LBHD1: variants seen among roughly 807,000 people sequenced by gnomAD.
LBHD1 encodes LBH domain-containing protein 1.
A neutral mutation model predicts 31.1 loss-of-function variants in LBHD1; 28 were observed. The ratio of observed to expected loss-of-function variants is 0.90; its 90% CI spans 0.67 to 1.24. The LOEUF is 1.24. Ranked by LOEUF, LBHD1 falls within the 50% of genes most tolerant of loss-of-function variation. The pLI is 0.00. For missense variants in LBHD1, 350 were observed against 323.0 expected (o/e 1.08, Z -0.64); for synonymous variants, 105 against 116.5 (o/e 0.90, Z 0.63).
At chr11:62,667,829 AC>A in intron 3 of LBHD1, 82 bp from the exon 4 acceptor site, 1 of 982,744 alleles carries the variant, frequency 1.0e-6, no homozygotes, top group South Asian at 1.5e-5. Context: ...GCTGGCTCAT[AC>A]CTATAATCAC....
At chr11:62,664,705 G>T in intron 5 of LBHD1, 144 bp downstream of exon 5, 1 of 1,096,686 alleles carries the variant, frequency 9.1e-7, no homozygotes, top group South Asian at 1.6e-5. Context: ...GGCTATCAGA[G>T]CTTAGGAACT....
chr11:62,671,696 T>G lies in LBHD1; in HGVS notation c.-143A>C. The G allele has an allele frequency of 1.2e-6, 2 of 1,603,948 alleles. No homozygotes were observed. Among genetic ancestry groups the G allele is most frequent in the Non-Finnish European group, 1.7e-6 (2 of 1,175,068 alleles). ...GTAGTGAGACCGCGCGGCAACAGCT[T>G]GCGGCTGCGGGGAGCTCCCGTGGGC... On this transcript the variant is annotated 5_prime_UTR_variant, in exon 1 of 7. Transcript: ENST00000354588.
chr11:62,669,223 A>G (rs1384956579), intron 3 of LBHD1, among the ~76,000 whole-genome samples: 1 of 151,966 alleles, frequency 6.6e-6, no homozygotes, highest in Non-Finnish European at 1.5e-5. Context: ...GCCAGCCTTA[A>G]TCTGTACTTT....
At chr11:62,665,780 C>G (rs1351066765) in intron 4 of LBHD1, 2 of 1,540,600 alleles carry the variant, frequency 1.3e-6, no homozygotes. Flanking sequence ...TTTCGCTACG[C>G]GGAATTTGCA....
rs770221425 is a variant in LBHD1, at chr11:62,671,753, C to G, written c.-200G>C. 6.2e-7 allele frequency: 1 copy of G among 1,613,680 alleles called. No homozygotes were observed. The highest frequency in any genetic ancestry group is 8.5e-7 in the Non-Finnish European group (1 of 1,179,826). On this transcript the variant is annotated 5_prime_UTR_variant, in exon 1 of 7. Transcript: ENST00000354588. ...CTGGCTGTGCAGGCGGCCATGGATT[C>G]CTTGCGGAAAATGCTGATCTCAGTC...
At position 62,663,072 on chromosome 11, in the gene LBHD1, T is replaced by A; in HGVS notation, c.*57A>T. On this transcript the variant is annotated 3_prime_UTR_variant, in exon 7 of 7. Transcript: ENST00000354588. ...GGTTTAGCTCTCATCTTCAAGGTCC[T>A]TCATTTCTACATCCTGGGGGGCTTT... 6.2e-7 allele frequency: 1 copy of A among 1,605,152 alleles called. No homozygotes were observed. Among genetic ancestry groups the A allele is most frequent in the South Asian group, 1.1e-5 (1 of 90,838 alleles).
chr11:62,665,328 A>C lies in LBHD1; in HGVS notation c.539-355T>G. On this transcript the variant is annotated intron_variant, in intron 4 of 6. Transcript: ENST00000354588. ...GCGGGAGGCCTTTCGGAGGGTGGTGAGCTAGTAAGTGTGGTTTTAGCTGTA... is the reference window on the plus strand; with the variant it reads ...GCGGGAGGCCTTTCGGAGGGTGGTGCGCTAGTAAGTGTGGTTTTAGCTGTA... 4.1e-6 allele frequency: 3 copies of C among 738,816 alleles called. No homozygotes were observed. The South Asian group carries it at 4.9e-5, about 12-fold the overall frequency. The allele number at this position is 738,816 out of a possible 1,614,324, so 45.8% of individuals were successfully genotyped here.
rs78596563 is a variant in LBHD1, at chr11:62,664,778, G to T, written c.663+71C>A. The stretch of plus-strand genomic sequence containing the variant: ...ACAAGGTGAGCTGAGAGGTGAAGCT[G>T]CTCCGGAGCTCTGCAGGGAGGAAGG... On this transcript the variant is annotated intron_variant, in intron 5 of 6. Transcript: ENST00000354588. 11,386 of 1,527,910 alleles carry T rather than the reference G, an allele frequency of 7.5e-3. 60 individuals carry two copies. Among genetic ancestry groups the T allele is most frequent in the African/African-American group, 0.028 (2,025 of 72,476 alleles). 94.6% of individuals were successfully genotyped at this position (1,527,910 alleles called of 1,614,324 possible).
intron 4 of LBHD1, chr11:62,665,873 T>A: frequency 1.9e-6 from 3 of 1,612,766 alleles, no homozygotes; most frequent in South Asian, 1.1e-5. Context: ...CTTACCCGAA[T>A]CTCCAGATGG....
chr11:62,667,019 T>C, intron 4 of LBHD1: 2 of 1,607,788 alleles, frequency 1.2e-6, no homozygotes, highest in South Asian at 2.2e-5. Context: ...GGGCATCACC[T>C]ACTTTGCTTA....
intron 3 of LBHD1, among the ~76,000 whole-genome samples, chr11:62,668,823 AAAAC>A (rs1359962421): frequency 2.0e-4 from 30 of 152,042 alleles, no homozygotes; most frequent in Admixed American, 3.3e-4. Context: ...AACCAAAACC[AAAAC>A]AAACAAACAA....
In LBHD1 at chr11:62,663,347, G is replaced by A. The variant is rs764472493; in HGVS notation, c.664-14C>T. The A allele has an allele frequency of 1.9e-6, 3 of 1,611,880 alleles. No individual in the cohort carries two copies. Among genetic ancestry groups the A allele is most frequent in the African/African-American group, 1.3e-5 (1 of 74,892 alleles). On this transcript the variant is annotated splice_polypyrimidine_tract_variant and intron_variant, in intron 5 of 6. Coordinates refer to ENST00000354588, the MANE Select transcript of LBHD1 (RefSeq NM_024099.5). ...CGTGCACTGGACCTGATGGGTAAGT[G>A]GAAATAAAGAGAGCTAGGTTAACCT...
intron 4 of LBHD1, chr11:62,666,131 T>A: frequency 1.3e-6 from 1 of 796,162 alleles, no homozygotes; most frequent in Non-Finnish European, 2.0e-6. Context: ...GCAGATCGCT[T>A]GGCCCAGGAG....
At chr11:62,666,744 A>C in intron 4 of LBHD1, 1 of 1,614,112 alleles carries the variant, frequency 6.2e-7, no homozygotes, top group Middle Eastern at 1.6e-4. Flanking sequence ...TCAAGCCTCC[A>C]CTTCATGCAC....
chr11:62,663,415 G>T, intron 5 of LBHD1, 82 bp from the exon 6 acceptor site: 1 of 1,426,218 alleles, frequency 7.0e-7, no homozygotes, highest in Non-Finnish European at 9.6e-7. Flanking sequence ...TATAGAAAAA[G>T]TATTAAATAG....
chr11:62,666,196 C>A lies in LBHD1; in HGVS notation c.539-1223G>T, dbSNP rs764457225. ...GACCCTGTCTACAAAAAAAATTAACCGGGCACGATGGCGCCTATAGTCCTA... is the reference window on the plus strand; with the variant it reads ...GACCCTGTCTACAAAAAAAATTAACAGGGCACGATGGCGCCTATAGTCCTA... On this transcript the variant is annotated intron_variant, in intron 4 of 6. Transcript: ENST00000354588. 9 of 718,554 alleles carry A rather than the reference C, an allele frequency of 1.3e-5. No individual in the cohort carries two copies. The East Asian group carries it at 2.4e-4, about 19-fold the overall frequency. The allele number at this position is 718,554 out of a possible 1,614,324, so 44.5% of individuals were successfully genotyped here. A position where few individuals can be genotyped will look rare whatever the true frequency, so the allele number is the denominator to read the frequency against.
In LBHD1 at chr11:62,667,751, G is replaced by C; in HGVS notation, c.314-4C>G. On this transcript the variant is annotated splice_region_variant and splice_polypyrimidine_tract_variant and intron_variant, in intron 3 of 6. Coordinates refer to ENST00000354588, the MANE Select transcript of LBHD1 (RefSeq NM_024099.5). ...TCCTGTGGGCTCCAAGCCCAGCCTG[G>C]GATGGAGGAAGAGAGGGGACAAAAA... The C allele has an allele frequency of 6.3e-7, 1 of 1,590,878 alleles. No homozygotes were observed. Among genetic ancestry groups the C allele is most frequent in the Non-Finnish European group, 8.6e-7 (1 of 1,162,112 alleles).
chr11:62,671,660 T>G lies in LBHD1; in HGVS notation c.-107A>C. ...GTTTCTGCTATAGGGCGCTCTAGCC[T>G]GCGCCAAGGGGTAGTGAGACCGCGC... On this transcript the variant is annotated 5_prime_UTR_variant, in exon 1 of 7. Coordinates refer to ENST00000354588, the MANE Select transcript of LBHD1 (RefSeq NM_024099.5). The G allele has an allele frequency of 6.4e-7, 1 of 1,564,914 alleles. No individual in the cohort carries two copies. Among genetic ancestry groups the G allele is most frequent in the Non-Finnish European group, 8.6e-7 (1 of 1,156,628 alleles).
rs1944862576 is a variant in LBHD1 at position 62,667,927 on chromosome 11, G to C, written c.314-180C>G. 7.0e-6 allele frequency: 4 copies of C among 572,248 alleles called. No homozygotes were observed. In the South Asian group the frequency reaches 8.7e-5, roughly 12 times the overall value. 35.4% of individuals were successfully genotyped at this position (572,248 alleles called of 1,614,324 possible). On this transcript the variant is annotated intron_variant, in intron 3 of 6. Transcript: ENST00000354588. ...AACTCTACAAAAACAAATGAGCCCG[G>C]GATAGTGGCACAGGCATGTAGTTCC...
Sources: gnomAD v4.1 joint callset for allele counts (sites outside exome capture counted in the v4.1 genomes callset) on GRCh38, gnomAD v4.1.1 for gene constraint, MANE v1.5 for transcripts, NCBI Gene and HGNC (gene_info 2026-07-23, HGNC 2026-07-21) for gene names.